Variants in FANCC observed in about 807,000 individuals in gnomAD.
The protein encoded by FANCC is FA complementation group C.
Under a neutral mutation model 71.3 loss-of-function variants are expected in FANCC, and 55 were observed. The observed-to-expected ratio is 0.77, with a 90% CI of 0.62 to 0.97. The LOEUF (loss-of-function observed/expected upper bound fraction) is 0.97, where lower values mean the gene tolerates loss of function less well. Ranked by LOEUF, FANCC falls within the 50% of genes least tolerant of loss-of-function variation. FANCC has a pLI of 0.00. For synonymous variants in FANCC, 275 were observed against 244.9 expected, an observed-to-expected ratio of 1.12 and a Z score of -1.15; for missense variants, 678 against 670.9, an observed-to-expected ratio of 1.01 and a Z score of -0.12.
intron 1 of FANCC, among the ~76,000 whole-genome samples, chr9:95,271,832 G>A (rs1262160883): frequency 6.7e-6 from 1 of 150,012 alleles, no homozygotes; most frequent in African/African-American, 2.5e-5. Context: ...CACTTTTGCT[G>A]CTGAATGCAC....
rs142526072 is a variant in FANCC, at chr9:95,213,934, G to T, written c.345+26715C>A. Among the ~76,000 whole-genome samples, 693 of 152,200 alleles carry T rather than the reference G, an allele frequency of 4.6e-3. 14 individuals are homozygous for T. The highest frequency in any genetic ancestry group is 0.028 in the Admixed American group (428 of 15,282). On this transcript the variant is annotated intron_variant, in intron 4 of 14. Transcript: ENST00000289081. ...GGGATTAATACCTGGAATGTATAAA[G>T]AACTAAAACTCAACAATAAAAACCA...
chr9:95,155,924 C>T (rs148876815), intron 6 of FANCC, among the ~76,000 whole-genome samples: 202 of 144,190 alleles, frequency 1.4e-3, no homozygotes, highest in African/African-American at 4.8e-3. Context: ...TGGGGTTTCT[C>T]CATGTTGCCC....
intron 1 of FANCC, chr9:95,294,300 T>C (rs1588430527): frequency 1.3e-6 from 2 of 1,583,374 alleles, no homozygotes; most frequent in South Asian, 2.2e-5. Flanking sequence ...CTGAAGAGAG[T>C]GAACTTAGCA....
At chr9:95,201,174 C>A (rs1827782073) in intron 4 of FANCC, among the ~76,000 whole-genome samples, 1 of 152,046 alleles carries the variant, frequency 6.6e-6, no homozygotes, top group Non-Finnish European at 1.5e-5. Context: ...CCTTTTTAAA[C>A]AACATTTGAA....
chr9:95,186,428 G>C (rs1308417231), intron 4 of FANCC: 1 of 152,104 alleles, frequency 6.6e-6, no homozygotes, highest in Non-Finnish European at 1.5e-5. Context: ...AAATCCCCTC[G>C]GCAGCAAAAC....
intron 1 of FANCC, among the ~76,000 whole-genome samples, chr9:95,280,411 C>G (rs1464532079): frequency 6.6e-6 from 1 of 152,122 alleles, no homozygotes; most frequent in Non-Finnish European, 1.5e-5. Flanking sequence ...TTGAATAACA[C>G]TATAAACCAA....
At chr9:95,241,321 T>C (rs190651781) in intron 3 of FANCC, among the ~76,000 whole-genome samples, 46 of 152,352 alleles carry the variant, frequency 3.0e-4, no homozygotes, top group Middle Eastern at 6.8e-3. Flanking sequence ...TTGGATAAAA[T>C]AGAAGTCTCT....
At position 95,296,244 on chromosome 9, in the gene FANCC, T is replaced by C. The variant is rs1588433160; in HGVS notation, c.-79+21282A>G. ...TTAAAACCTCTCTATCACACTCCAA[T>C]TTAAAATGACTAAGGATCATGACCT... On this transcript the variant is annotated intron_variant, in intron 1 of 14. Coordinates refer to ENST00000289081, the MANE Select transcript of FANCC (RefSeq NM_000136.3). Among the ~76,000 whole-genome samples the C allele has an allele frequency of 2.6e-5, 4 of 152,204 alleles. No homozygotes were observed. In the East Asian group the frequency reaches 7.7e-4, roughly 29 times the overall value.
intron 4 of FANCC, among the ~76,000 whole-genome samples, chr9:95,230,767 C>A (rs964518156): frequency 6.6e-6 from 1 of 152,006 alleles, no homozygotes; most frequent in Non-Finnish European, 1.5e-5. Flanking sequence ...AGCTGGTGGC[C>A]GCTGCTGGCT....
At chr9:95,272,466 C>T (rs546968278) in intron 1 of FANCC, among the ~76,000 whole-genome samples, 20 of 152,134 alleles carry the variant, frequency 1.3e-4, no homozygotes, top group Admixed American at 1.1e-3. Context: ...AGAGGCCAAG[C>T]GGGTGGATCA....
chr9:95,258,143 C>A (rs1030854434), intron 1 of FANCC, among the ~76,000 whole-genome samples: 1 of 152,176 alleles, frequency 6.6e-6, no homozygotes, highest in African/African-American at 2.4e-5. Flanking sequence ...CCTTCTGAAA[C>A]TATTCCAAAC....
intron 1 of FANCC, among the ~76,000 whole-genome samples, chr9:95,264,981 CTTTT>C (rs58211170): frequency 2.0e-4 from 26 of 132,862 alleles, no homozygotes; most frequent in African/African-American, 6.8e-4. Context: ...GTGTTTGTGG[CTTTT>C]TTTTTTTTTT....
intron 7 of FANCC, among the ~76,000 whole-genome samples, chr9:95,141,985 GTTTTT>G (rs1163083695): frequency 2.4e-5 from 2 of 83,138 alleles, no homozygotes; most frequent in Non-Finnish European, 4.2e-5. Context: ...AGTTTGTGGG[GTTTTT>G]TTTTTTTTTT....
chr9:95,137,627 A>G (rs989672002), intron 7 of FANCC, among the ~76,000 whole-genome samples: 4 of 152,154 alleles, frequency 2.6e-5, no homozygotes, highest in Admixed American at 2.6e-4. Flanking sequence ...GTGGATTTGG[A>G]GTGTCTGAGG....
At chr9:95,315,311 G>A (rs1414696002) in intron 1 of FANCC, among the ~76,000 whole-genome samples, 1 of 152,100 alleles carries the variant, frequency 6.6e-6, no homozygotes, top group Non-Finnish European at 1.5e-5. Flanking sequence ...CTGTGGCCTC[G>A]ACCTCCTGAA....
chr9:95,282,120 T>C (rs76297212), intron 1 of FANCC, among the ~76,000 whole-genome samples: 2 of 150,742 alleles, frequency 1.3e-5, no homozygotes, highest in East Asian at 3.9e-4. Context: ...TAAATGGATT[T>C]AAAAAAAAAG....
At chr9:95,156,628 T>C (rs973924641) in intron 6 of FANCC, among the ~76,000 whole-genome samples, 9 of 152,248 alleles carry the variant, frequency 5.9e-5, no homozygotes, top group South Asian at 2.1e-4. Flanking sequence ...GTGATCACCA[T>C]TCATAAAATT....
chr9:95,313,422 C>T (rs1019190720), intron 1 of FANCC, among the ~76,000 whole-genome samples: 1 of 152,206 alleles, frequency 6.6e-6, no homozygotes, highest in African/African-American at 2.4e-5. Flanking sequence ...GGTGCGCGCA[C>T]GACAACCTTC....
chr9:95,125,349 T>C (rs1301797521), intron 9 of FANCC, among the ~76,000 whole-genome samples, 164 bp from the exon 10 acceptor site: 1 of 152,212 alleles, frequency 6.6e-6, no homozygotes, highest in Admixed American at 6.5e-5. Flanking sequence ...CAGGATAAAT[T>C]TGTCGCTCCC....
Sources: gnomAD v4.1 joint callset for allele counts (sites outside exome capture counted in the v4.1 genomes callset) on GRCh38, gnomAD v4.1.1 for gene constraint, MANE v1.5 for transcripts, NCBI Gene and HGNC (gene_info 2026-07-23, HGNC 2026-07-21) for gene names.